Variants in TMCO6 observed in about 807,000 individuals in gnomAD.
TMCO6 encodes the protein transmembrane and coiled-coil domains 6, also known as transmembrane and coiled-coil domain-containing protein 6.
A neutral mutation model predicts 61.8 loss-of-function variants in TMCO6; 47 were observed. The observed-to-expected ratio is 0.76, with a 90% confidence interval of 0.60 to 0.97. TMCO6 has a LOEUF of 0.97. Ranked by LOEUF, TMCO6 falls within the 50% of genes least tolerant of loss-of-function variation. The probability of loss-of-function intolerance (pLI) is 0.00; values close to 1 mark genes in which losing one functional copy is unlikely to be tolerated. For synonymous variants in TMCO6, 261 were observed against 254.2 expected (o/e 1.03, Z -0.25); for missense variants, 557 against 601.6 (o/e 0.93, Z 0.78).
At chr5:140,622,306 C>T in the TMCO6 span, among the ~76,000 whole-genome samples, 5 of 152,102 alleles carry the variant, frequency 3.3e-5, no homozygotes, top group South Asian at 2.1e-4. Flanking sequence ...GCAGATTCCC[C>T]GATACCTCCC....
chr5:140,644,225 C>G (rs1392396385), intron 10 of TMCO6, 31 bp downstream of exon 10: 1 of 1,602,472 alleles, frequency 6.2e-7, no homozygotes, highest in African/African-American at 1.3e-5. Context: ...AATCCAAGAT[C>G]TGGTAGTCGG....
chr5:140,600,578 G>A, the TMCO6 span, among the ~76,000 whole-genome samples: 1 of 151,182 alleles, frequency 6.6e-6, no homozygotes, highest in Non-Finnish European at 1.5e-5. Flanking sequence ...TGATTCTCCT[G>A]CCTCAGCCTC....
chr5:140,609,334 C>A, the TMCO6 span: 1 of 249,178 alleles, frequency 4.0e-6, no homozygotes, highest in South Asian at 4.6e-5. Flanking sequence ...ACATCTGTGC[C>A]AACAGGAAGC....
chr5:140,608,309 A>G, the TMCO6 span, among the ~76,000 whole-genome samples: 1 of 152,162 alleles, frequency 6.6e-6, no homozygotes, highest in East Asian at 1.9e-4. Flanking sequence ...CTTTGGAGAA[A>G]TGGCTATTCA....
At chr5:140,641,475 A>C in intron 2 of TMCO6, 190 bp from the exon 3 acceptor site, 1 of 587,604 alleles carries the variant, frequency 1.7e-6, no homozygotes, top group Admixed American at 3.0e-5. Context: ...AGTGGCAGGT[A>C]TGGTATTAGA....
At chr5:140,618,004 C>T in the TMCO6 span, among the ~76,000 whole-genome samples, 1 of 152,084 alleles carries the variant, frequency 6.6e-6, no homozygotes, top group African/African-American at 2.4e-5. Context: ...ACTGACACTA[C>T]CTGACTTCAA....
the TMCO6 span, among the ~76,000 whole-genome samples, chr5:140,624,983 AGCTGGGATTACAGGC>A: frequency 3.3e-5 from 5 of 151,128 alleles, no homozygotes; most frequent in African/African-American, 1.2e-4. Flanking sequence ...CCTCCTGAGT[AGCTGGGATTACAGGC>A]GCTTGGCACC....
Position 140,642,352 on chromosome 5 carries a change from AG to A in TMCO6, c.537del (p.Ser180ValfsTer4), listed in dbSNP as rs746551806. ...TATACACTGGGTAACCTGATCGTGG[AG>A]AGTGAGGCTGTGAGAAGGCAGCTCC... ...CLYTLGNLIV[E>X]SEAVRRQLLP... On this transcript the variant is annotated frameshift_variant, in exon 5 of 12. Coordinates refer to ENST00000394671, the MANE Select transcript of TMCO6 (RefSeq NM_018502.5). LOFTEE classifies it high-confidence loss of function. 1.2e-6 allele frequency: 2 copies of A among 1,613,862 alleles called. No homozygotes were observed. Among genetic ancestry groups the A allele is most frequent in the South Asian group, 1.1e-5 (1 of 91,024 alleles).
At chr5:140,624,296 C>T in the TMCO6 span, among the ~76,000 whole-genome samples, 1 of 150,928 alleles carries the variant, frequency 6.6e-6, no homozygotes, top group Non-Finnish European at 1.5e-5. Flanking sequence ...ACCTGGGAGG[C>T]GGAGGTTGCA....
the TMCO6 span, among the ~76,000 whole-genome samples, chr5:140,612,190 C>T: frequency 6.6e-6 from 1 of 152,208 alleles, no homozygotes; most frequent in African/African-American, 2.4e-5. Context: ...AAGTCTGTCA[C>T]ATCACACCAA....
At chr5:140,623,412 C>A in the TMCO6 span, among the ~76,000 whole-genome samples, 37 of 152,148 alleles carry the variant, frequency 2.4e-4, no homozygotes, top group East Asian at 5.2e-3. Context: ...TCTCCCCCAC[C>A]CCACAAAATG....
chr5:140,637,847 C>T (rs1756805963), upstream of TMCO6, among the ~76,000 whole-genome samples: 1 of 151,778 alleles, frequency 6.6e-6, no homozygotes, highest in African/African-American at 2.4e-5. Context: ...AAGCTGGAAG[C>T]CCCCCACCGC....
upstream of TMCO6, among the ~76,000 whole-genome samples, chr5:140,635,098 T>C (rs1246183388): frequency 6.6e-6 from 1 of 152,176 alleles, no homozygotes; most frequent in East Asian, 1.9e-4. Context: ...CTTTTTTAAA[T>C]TCCCACTTCC....
chr5:140,619,923 ACTCTC>A, the TMCO6 span, among the ~76,000 whole-genome samples: 1 of 152,198 alleles, frequency 6.6e-6, no homozygotes, highest in Non-Finnish European at 1.5e-5. Context: ...AGCAACAGGA[ACTCTC>A]ATTCATTGCT....
the TMCO6 span, among the ~76,000 whole-genome samples, chr5:140,624,701 T>G: frequency 6.6e-6 from 1 of 151,408 alleles, no homozygotes; most frequent in Admixed American, 6.6e-5. Flanking sequence ...TTTTTTTTTG[T>G]ATTTTCAGTA....
At position 140,645,378 on chromosome 5, in the gene TMCO6, C is replaced by G; in HGVS notation, c.*280C>G. Reference sequence around the variant, plus strand: ...CAGCAGCTGGTAGCTTTTGATGAGACAGAATAAAGTTTTATTTTTATATTA... The same window carrying G: ...CAGCAGCTGGTAGCTTTTGATGAGAGAGAATAAAGTTTTATTTTTATATTA... On this transcript the variant is annotated 3_prime_UTR_variant, in exon 12 of 12. Coordinates refer to ENST00000394671, the MANE Select transcript of TMCO6 (RefSeq NM_018502.5). 1 of 793,726 alleles carries G rather than the reference C, an allele frequency of 1.3e-6. No individual in the cohort carries two copies. The highest frequency in any genetic ancestry group is 2.1e-6 in the Non-Finnish European group (1 of 471,644). 49.2% of individuals were successfully genotyped at this position (793,726 alleles called of 1,614,324 possible).
chr5:140,641,692 C>T lies in TMCO6; in HGVS notation c.226C>T (p.Arg76Trp), dbSNP rs201866963. The T allele has an allele frequency of 1.7e-5, 27 of 1,613,916 alleles. No individual in the cohort carries two copies. Among genetic ancestry groups the T allele is most frequent in the Middle Eastern group, 3.3e-4 (2 of 6,026 alleles). ...EVQQFLRQAQ[R>W]GTEEKEREGA... ...GCAGCAGTTCCTGCGGCAAGCCCAG[C>T]GGGGGACAGAGGAAAAGGAGAGAGA... is the stretch of plus-strand genomic sequence containing the variant. Residue 76 changes from arginine (R) to tryptophan (W), a missense_variant, in exon 3 of 12, where the codon CGG becomes TGG. Arg to Trp is a moderately radical substitution (Grantham distance 101). Transcript: ENST00000394671.
At chr5:140,632,709 C>G in the TMCO6 span, 1 of 1,613,532 alleles carries the variant, frequency 6.2e-7, no homozygotes, top group Non-Finnish European at 8.5e-7. This position sits in a 1 kb window ranked among gnomAD's most constrained non-coding sequence, Gnocchi z 6.2. Context: ...TGTGAGCCGC[C>G]GCACGCGGAG....
chr5:140,603,980 T>C, the TMCO6 span, among the ~76,000 whole-genome samples: 1 of 152,196 alleles, frequency 6.6e-6, no homozygotes, highest in Non-Finnish European at 1.5e-5. Flanking sequence ...GTTCCTGTTT[T>C]TCCACATCCT....
Sources: gnomAD v4.1 joint callset for allele counts (sites outside exome capture counted in the v4.1 genomes callset) on GRCh38, gnomAD v4.1.1 for gene constraint, Gnocchi (gnomAD v3.1) non-coding constraint, MANE v1.5 for transcripts, NCBI Gene and HGNC (gene_info 2026-07-23, HGNC 2026-07-21) for gene names.